The following MYLK4 variants were observed in gnomAD, a reference collection of about 807,000 sequenced individuals.
MYLK4 encodes the protein caMLCK like.
Under a neutral mutation model 48.1 loss-of-function variants are expected in MYLK4, and 46 were observed. The ratio of observed to expected loss-of-function variants is 0.96; its 90% CI spans 0.75 to 1.22. The LOEUF is 1.22. MYLK4 is among the 50% of genes most tolerant of loss of function. MYLK4 has a pLI of 0.00. For synonymous variants in MYLK4, 170 were observed against 180.8 expected (o/e 0.94, Z 0.48); for missense variants, 451 against 486.1 (o/e 0.93, Z 0.68).
intron 4 of MYLK4, among the ~76,000 whole-genome samples, chr6:2,686,024 C>T (rs368272745): frequency 4.9e-4 from 73 of 149,108 alleles, no homozygotes; most frequent in Non-Finnish European, 2.8e-4. Context: ...GCCGAGATCG[C>T]GCCATTGCAC....
the MYLK4 span, among the ~76,000 whole-genome samples, chr6:2,768,111 G>A: frequency 6.6e-6 from 1 of 152,196 alleles, no homozygotes; most frequent in Non-Finnish European, 1.5e-5. Flanking sequence ...TCTAGTAATT[G>A]CTAATGTGAC....
intron 10 of MYLK4, among the ~76,000 whole-genome samples, chr6:2,676,665 G>T (rs1055322732): frequency 1.3e-5 from 2 of 152,118 alleles, no homozygotes; most frequent in Non-Finnish European, 1.5e-5. Flanking sequence ...GGCCCAAATG[G>T]GCATCTGATG....
intron 12 of MYLK4, among the ~76,000 whole-genome samples, chr6:2,668,128 T>C (rs1408289950): frequency 6.6e-6 from 1 of 151,770 alleles, no homozygotes; most frequent in Non-Finnish European, 1.5e-5. Context: ...TTTCCAACTT[T>C]TATTTTAGGT....
chr6:2,744,796 T>C (rs138142619), intron 2 of MYLK4, among the ~76,000 whole-genome samples: 1,733 of 152,348 alleles, frequency 0.011, 18 homozygotes, highest in Non-Finnish European at 0.019. Flanking sequence ...GGTTGGGATA[T>C]GGAAGAACTT....
chr6:2,682,029 C>T (rs1561835594), intron 7 of MYLK4, among the ~76,000 whole-genome samples: 2 of 152,184 alleles, frequency 1.3e-5, no homozygotes, highest in East Asian at 1.9e-4. Context: ...TCCTGCTCTC[C>T]TCCTGCTCAA....
intron 2 of MYLK4, among the ~76,000 whole-genome samples, chr6:2,717,093 G>A (rs1010988807): frequency 6.6e-6 from 1 of 152,162 alleles, no homozygotes; most frequent in African/African-American, 2.4e-5. Flanking sequence ...AAACAGGTTG[G>A]TATGACTGCC....
chr6:2,711,351 G>T (rs964970965), intron 2 of MYLK4, among the ~76,000 whole-genome samples: 1 of 152,194 alleles, frequency 6.6e-6, no homozygotes, highest in African/African-American at 2.4e-5. Context: ...ACTTTAGCAT[G>T]ATATTTTCTT....
chr6:2,713,918 G>A (rs1762771630), intron 2 of MYLK4, among the ~76,000 whole-genome samples: 1 of 152,060 alleles, frequency 6.6e-6, no homozygotes, highest in South Asian at 2.1e-4. Flanking sequence ...ATTTTTCTTG[G>A]GTGAAAAATA....
At chr6:2,763,297 G>A in the MYLK4 span, among the ~76,000 whole-genome samples, 15 of 152,364 alleles carry the variant, frequency 9.8e-5, no homozygotes, top group African/African-American at 3.1e-4. Context: ...AACTGGGGCT[G>A]CAGTATAGAG....
At chr6:2,690,112 C>T (rs932298900) in intron 3 of MYLK4, among the ~76,000 whole-genome samples, 1 of 152,150 alleles carries the variant, frequency 6.6e-6, no homozygotes, top group Admixed American at 6.5e-5. Flanking sequence ...GTTAAAAAGC[C>T]TTAAAAGGCC....
chr6:2,698,141 T>C (rs1762137137), intron 2 of MYLK4, among the ~76,000 whole-genome samples: 1 of 152,220 alleles, frequency 6.6e-6, no homozygotes, highest in East Asian at 1.9e-4. Flanking sequence ...CTGGTTCTTT[T>C]TAAAACTGTT....
the MYLK4 span, among the ~76,000 whole-genome samples, chr6:2,769,068 C>T: frequency 1.3e-5 from 2 of 152,140 alleles, no homozygotes; most frequent in African/African-American, 2.4e-5. Flanking sequence ...CAAGAAAATG[C>T]TTTCTCTATC....
intron 2 of MYLK4, among the ~76,000 whole-genome samples, chr6:2,699,351 G>A (rs920035116): frequency 1.0e-4 from 13 of 124,444 alleles, no homozygotes; most frequent in Non-Finnish European, 1.7e-4. Context: ...GAGTGCAGTG[G>A]CGCAATCTCG....
At chr6:2,763,837 G>A in the MYLK4 span, among the ~76,000 whole-genome samples, 5 of 139,774 alleles carry the variant, frequency 3.6e-5, no homozygotes, top group African/African-American at 1.1e-4. Context: ...TCTCACTGCT[G>A]AGGGACAAAT....
chr6:2,680,660 C>CAAGAAGGGGAAA, intron 7 of MYLK4: 1 of 782,036 alleles, frequency 1.3e-6, no homozygotes, highest in Non-Finnish European at 1.6e-6. Flanking sequence ...TGAATTTCCC[C>CAAGAAGGGGAAA]TTCTTGGAGA....
At chr6:2,674,908 T>G in intron 11 of MYLK4, 139 bp downstream of exon 11, 1 of 742,444 alleles carries the variant, frequency 1.3e-6, no homozygotes, top group East Asian at 2.6e-5. Flanking sequence ...TTTAAGTAAT[T>G]TAATACTGCA....
In MYLK4 at chr6:2,699,332, C is replaced by G. The variant is rs9392416; in HGVS notation, c.160-6473G>C. The stretch of plus-strand genomic sequence containing the variant: ...TTTGATATGGAGTCTCTCTCTGTCG[C>G]CCAGGCTGGAGTGCAGTGGCGCAAT... On this transcript the variant is annotated intron_variant, in intron 2 of 12. Transcript: ENST00000274643. Among the ~76,000 whole-genome samples the G allele has an allele frequency of 1.5e-3, 152 of 104,022 alleles. 1 individual carries two copies. In the East Asian group the frequency reaches 0.046, roughly 32 times the overall value. 68.2% of individuals were successfully genotyped at this position (104,022 alleles called of 152,430 possible).
At chr6:2,766,911 A>G in the MYLK4 span, among the ~76,000 whole-genome samples, 2 of 152,126 alleles carry the variant, frequency 1.3e-5, no homozygotes, top group Admixed American at 1.3e-4. Context: ...TTCCTTTTCC[A>G]CTAGTTGTTG....
chr6:2,714,778 T>C (rs1278860923), intron 2 of MYLK4, among the ~76,000 whole-genome samples: 2 of 152,194 alleles, frequency 1.3e-5, no homozygotes, highest in African/African-American at 4.8e-5. Flanking sequence ...GATTCAGCCT[T>C]AAAAAGAAAG....
Sources: allele counts gnomAD v4.1 joint callset (sites outside exome capture counted in the v4.1 genomes callset), GRCh38; gene constraint gnomAD v4.1.1; transcripts MANE v1.5; gene names NCBI Gene and HGNC (gene_info 2026-07-23, HGNC 2026-07-21).